Variants in RPS6KA6 observed in about 807,000 individuals in gnomAD.
The protein encoded by RPS6KA6 is ribosomal protein S6 kinase alpha-6.
A neutral mutation model predicts 65.4 loss-of-function variants in RPS6KA6; 27 were observed. That is an observed-to-expected ratio of 0.41 (90% CI 0.30 to 0.57). The LOEUF is 0.57. Ranked by LOEUF, RPS6KA6 falls within the 20% of genes least tolerant of loss-of-function variation. The probability of loss-of-function intolerance (pLI) is 0.24; values close to 1 mark genes in which losing one functional copy is unlikely to be tolerated. For synonymous variants in RPS6KA6, 190 were observed against 184.2 expected (o/e 1.03, Z -0.26); for missense variants, 486 against 555.6 (o/e 0.87, Z 1.26).
chrX:84,097,458 T>C (rs1357374679), intron 19 of RPS6KA6, among the ~76,000 whole-genome samples: 1 of 111,118 alleles, frequency 9.0e-6, no homozygotes, highest in East Asian at 2.8e-4. Context: ...AGTGGGCAAG[T>C]TGTTGGTGAA....
At chrX:84,180,152 A>G (rs1223299524) in intron 1 of RPS6KA6, among the ~76,000 whole-genome samples, 1 of 111,696 alleles carries the variant, frequency 9.0e-6, no homozygotes, top group Non-Finnish European at 1.9e-5. Context: ...AAGTAGAGTA[A>G]TAAATCCCTA....
intron 6 of RPS6KA6, among the ~76,000 whole-genome samples, chrX:84,137,107 A>C (rs1274536287): frequency 1.8e-5 from 2 of 111,914 alleles, no homozygotes; most frequent in Non-Finnish European, 3.8e-5. Flanking sequence ...AGTACTCTTG[A>C]GTAAAGCACT....
chrX:84,086,823 T>TTGCTTTATGAATCTGGATGC (rs1233993170), intron 20 of RPS6KA6, among the ~76,000 whole-genome samples: 1 of 111,783 alleles, frequency 8.9e-6, no homozygotes, highest in Non-Finnish European at 1.9e-5. Context: ...TCTCAATAAC[T>TTGCTTTATGAATCTGGATGC]TGCTTTATGA....
Position 84,064,063 on chromosome X carries a change from TTAAA to T in RPS6KA6, c.*210_*213del. 1 of 340,676 alleles carries T rather than the reference TTAAA, an allele frequency of 2.9e-6. No individual in the cohort carries two copies. 28.1% of individuals were successfully genotyped at this position (340,676 alleles called of 1,213,427 possible). A position where few individuals can be genotyped will look rare whatever the true frequency, so the allele number is the denominator to read the frequency against. On this transcript the variant is annotated 3_prime_UTR_variant, in exon 22 of 22. Transcript: ENST00000262752. ...GACCTGGTGGACACCAATTATATGC[TTAAA>T]TAAACACTTGAACACTACTGCAAAC...
chrX:84,106,813 G>A (rs768688241), intron 14 of RPS6KA6, 97 bp downstream of exon 14: 33 of 715,614 alleles, frequency 4.6e-5, no homozygotes, highest in Non-Finnish European at 6.2e-5. Flanking sequence ...AAACAAAGAA[G>A]TTAAAAATCA....
intron 3 of RPS6KA6, among the ~76,000 whole-genome samples, chrX:84,150,800 T>TAGAGAGGATATATATAGGATATATATAG (rs1418004746): frequency 4.0e-5 from 4 of 100,329 alleles, no homozygotes; most frequent in Admixed American, 1.1e-4. Flanking sequence ...AGAGAATATA[T>TAGAGAGGATATATATAGGATATATATAG]AGAGAGGATA....
chrX:84,114,351 G>A (rs1301561155), intron 12 of RPS6KA6, among the ~76,000 whole-genome samples: 3 of 109,736 alleles, frequency 2.7e-5, no homozygotes, highest in African/African-American at 3.3e-5. Context: ...AGCCAGACAC[G>A]GTGGCATACA....
Position 84,061,851 on chromosome X carries a change from C to T in RPS6KA6, c.*2426G>A, listed in dbSNP as rs1015104196. 1 of 111,309 alleles carries T rather than the reference C, an allele frequency of 9.0e-6. No individual in the cohort carries two copies. The highest frequency in any genetic ancestry group is 9.5e-5 in the Admixed American group (1 of 10,489). The allele number at this position is 111,309 out of a possible 1,213,427, so 9.2% of individuals were successfully genotyped here. A position where few individuals can be genotyped will look rare whatever the true frequency, so the allele number is the denominator to read the frequency against. On this transcript the variant is annotated 3_prime_UTR_variant, in exon 22 of 22. Transcript: ENST00000262752. ...ACTAGTTAAGCATTGATAGAAGTCC[C>T]ATCAAAAAAATGTTCAATCCAAATC...
intron 5 of RPS6KA6, 85 bp from the exon 6 acceptor site, chrX:84,145,642 A>G: frequency 2.1e-6 from 1 of 474,255 alleles, no homozygotes; most frequent in Non-Finnish European, 3.4e-6. Flanking sequence ...TATGTTTAGA[A>G]TTTTACAGTA....
In RPS6KA6 at chrX:84,066,680, C is replaced by T. The variant is rs147914444; in HGVS notation, c.1972-1569G>A. On this transcript the variant is annotated intron_variant, in intron 20 of 21. Coordinates refer to ENST00000262752, the MANE Select transcript of RPS6KA6 (RefSeq NM_014496.5). ...CTCGGGGAAGGGGCAACTGTGGGCG[C>T]AGCTTCAGCAGACTTAAACTTTCCT... Among the ~76,000 whole-genome samples, 686 of 111,592 alleles carry T rather than the reference C, an allele frequency of 6.1e-3. 3 individuals are homozygous for T. The highest frequency in any genetic ancestry group is 9.8e-3 in the Non-Finnish European group (522 of 53,044).
At position 84,114,512 on chromosome X, in the gene RPS6KA6, C is replaced by A. The variant is rs191337273; in HGVS notation, c.1008+1717G>T. On this transcript the variant is annotated intron_variant, in intron 12 of 21. Coordinates refer to ENST00000262752, the MANE Select transcript of RPS6KA6 (RefSeq NM_014496.5). ...AAAAACAAACAAACAAACAAAACAA[C>A]AACAAAAAAAAACATACTGACCAAA... Among the ~76,000 whole-genome samples the A allele has an allele frequency of 3.6e-5, 4 of 109,741 alleles. No homozygotes were observed. In the East Asian group the frequency reaches 1.1e-3, roughly 31 times the overall value.
chrX:84,180,870 G>C (rs2035841469), intron 1 of RPS6KA6, among the ~76,000 whole-genome samples: 1 of 111,301 alleles, frequency 9.0e-6, no homozygotes, highest in Admixed American at 9.6e-5. Context: ...AAATAATCTA[G>C]GTTCAAATTC....
At chrX:84,116,308 AT>A in intron 11 of RPS6KA6, 21 bp from the exon 12 acceptor site, 2 of 995,844 alleles carry the variant, frequency 2.0e-6, no homozygotes, top group Non-Finnish European at 2.7e-6. Flanking sequence ...AAGAAATGAT[AT>A]TTTATTTTTA....
intron 9 of RPS6KA6, among the ~76,000 whole-genome samples, chrX:84,119,456 G>A (rs2034626867): frequency 9.0e-6 from 1 of 111,719 alleles, no homozygotes; most frequent in Non-Finnish European, 1.9e-5. Flanking sequence ...ATGAAAAGTA[G>A]TATAAGACAT....
At chrX:84,161,123 A>G (rs899208037) in intron 2 of RPS6KA6, among the ~76,000 whole-genome samples, 1 of 111,483 alleles carries the variant, frequency 9.0e-6, no homozygotes, top group Non-Finnish European at 1.9e-5. Context: ...GAAGTTACTG[A>G]ACTTATTTGT....
At chrX:84,065,646 T>G (rs1324131960) in intron 20 of RPS6KA6, among the ~76,000 whole-genome samples, 2 of 112,174 alleles carry the variant, frequency 1.8e-5, no homozygotes, top group Non-Finnish European at 3.8e-5. Context: ...TTCATCAAAG[T>G]AAGTGTACGT....
intron 12 of RPS6KA6, among the ~76,000 whole-genome samples, chrX:84,112,823 C>T (rs926433286): frequency 9.0e-6 from 1 of 110,984 alleles, no homozygotes; most frequent in Non-Finnish European, 1.9e-5. Flanking sequence ...AGTCTCATTT[C>T]GCTGAATAAA....
In RPS6KA6 at chrX:84,146,088, T is replaced by C. The variant is rs754894168; in HGVS notation, c.422-531A>G. Among the ~76,000 whole-genome samples the C allele has an allele frequency of 8.1e-5, 9 of 111,717 alleles. 1 individual carries two copies. The highest frequency in any genetic ancestry group is 1.9e-5 in the Non-Finnish European group (1 of 52,994). On this transcript the variant is annotated intron_variant, in intron 5 of 21. Coordinates refer to ENST00000262752, the MANE Select transcript of RPS6KA6 (RefSeq NM_014496.5). ...CTGTGTTCTCTATAGGTTATAAATT[T>C]CTTGAGGTCAAAAAGTGTTTCACTT...
chrX:84,168,286 A>G (rs73515453), intron 1 of RPS6KA6, among the ~76,000 whole-genome samples: 4,156 of 111,546 alleles, frequency 0.037, 192 homozygotes, highest in African/African-American at 0.13. Flanking sequence ...TACTAACATG[A>G]TTCACGTTTA....
Sources: allele counts gnomAD v4.1 joint callset (sites outside exome capture counted in the v4.1 genomes callset), GRCh38; gene constraint gnomAD v4.1.1; transcripts MANE v1.5; gene names NCBI Gene and HGNC (gene_info 2026-07-23, HGNC 2026-07-21).